CCNB1: variants seen among roughly 807,000 people sequenced by gnomAD.
CCNB1 encodes cyclin B1.
Under a neutral mutation model 44.4 loss-of-function variants are expected in CCNB1, and 26 were observed. The ratio of observed to expected loss-of-function variants is 0.59; its 90% CI spans 0.43 to 0.81. The LOEUF is 0.81. Among genes scored for constraint, CCNB1 ranks in the 40% least tolerant of loss-of-function variants. The probability of loss-of-function intolerance (pLI) is 0.00; values close to 1 mark genes in which losing one functional copy is unlikely to be tolerated. For synonymous variants in CCNB1, 195 were observed against 181.4 expected, an observed-to-expected ratio of 1.08 and a Z score of -0.60; for missense variants, 477 against 520.9, an observed-to-expected ratio of 0.92 and a Z score of 0.82.
Position 69,171,344 on chromosome 5 carries a change from C to G in CCNB1, c.438C>G (p.Phe146Leu), listed in dbSNP as rs1194104689. The G allele has an allele frequency of 6.2e-7, 1 of 1,614,084 alleles. No individual in the cohort carries two copies. The highest frequency in any genetic ancestry group is 2.2e-5 in the East Asian group (1 of 44,884). ...APAEEDLCQA[F>L]SDVILAVNDV... is the part of the protein sequence containing the mutation. Reference sequence around the variant, plus strand: ...CAGAAGAAGACCTGTGTCAGGCTTTCTCTGATGTAATTCTTGCAGTAAATG... The same window carrying G: ...CAGAAGAAGACCTGTGTCAGGCTTTGTCTGATGTAATTCTTGCAGTAAATG... Residue 146 changes from phenylalanine (F) to leucine (L), a missense_variant, in exon 4 of 9, where the codon TTC becomes TTG. Physicochemically the swap from Phe to Leu is conservative, Grantham distance 22. Coordinates refer to ENST00000256442, the MANE Select transcript of CCNB1 (RefSeq NM_031966.4).
intron 8 of CCNB1, 83 bp from the exon 9 acceptor site, chr5:69,177,441 A>G (rs1342103296): frequency 1.6e-5 from 20 of 1,239,256 alleles, no homozygotes; most frequent in Non-Finnish European, 2.2e-5. Context: ...TAATGAGTTA[A>G]TGTTTTAAAT....
chr5:69,172,963 C>T (rs552716512), intron 4 of CCNB1, among the ~76,000 whole-genome samples: 91 of 151,762 alleles, frequency 6.0e-4, no homozygotes, highest in African/African-American at 8.9e-4. Flanking sequence ...TTAGTAGAGA[C>T]GGGGTTTCAC....
At chr5:69,168,808 A>G (rs950059388) in intron 3 of CCNB1, among the ~76,000 whole-genome samples, 2 of 152,252 alleles carry the variant, frequency 1.3e-5, no homozygotes, top group African/African-American at 4.8e-5. Context: ...CTACTAAATA[A>G]TAAGCCTGTA....
intron 3 of CCNB1, 125 bp downstream of exon 3, chr5:69,168,468 C>A: frequency 9.2e-7 from 1 of 1,082,982 alleles, no homozygotes; most frequent in Non-Finnish European, 1.4e-6. Flanking sequence ...TAGCATGAGG[C>A]AAGCTCTGCC....
intron 4 of CCNB1, among the ~76,000 whole-genome samples, 195 bp downstream of exon 4, chr5:69,171,647 C>T (rs1580210548): frequency 6.6e-6 from 1 of 152,108 alleles, no homozygotes; most frequent in African/African-American, 2.4e-5. Flanking sequence ...TCACTTTGTG[C>T]AGGAAAGTTC....
intron 4 of CCNB1, among the ~76,000 whole-genome samples, chr5:69,173,292 C>T (rs1054511871): frequency 6.0e-5 from 9 of 150,408 alleles, no homozygotes; most frequent in Admixed American, 1.3e-4. Context: ...CTCGTACCCA[C>T]GGCTTGGGTA....
At chr5:69,168,709 G>A (rs1332234828) in intron 3 of CCNB1, among the ~76,000 whole-genome samples, 1 of 152,164 alleles carries the variant, frequency 6.6e-6, no homozygotes, top group Non-Finnish European at 1.5e-5. Context: ...TGAGCCAAAG[G>A]CTTTGTTATC....
intron 3 of CCNB1, among the ~76,000 whole-genome samples, chr5:69,169,699 CT>C (rs1353448935): frequency 6.6e-6 from 1 of 152,050 alleles, no homozygotes; most frequent in Non-Finnish European, 1.5e-5. Flanking sequence ...GTTGCCCAGA[CT>C]GGAGTGCAGT....
intron 3 of CCNB1, among the ~76,000 whole-genome samples, chr5:69,169,325 G>C (rs990706276): frequency 7.9e-5 from 12 of 152,280 alleles, no homozygotes; most frequent in Non-Finnish European, 1.6e-4. Context: ...CGAAAGTGCT[G>C]GGATTACAGG....
Position 69,171,408 on chromosome 5 carries a change from A to G in CCNB1, c.502A>G (p.Ser168Gly). Residue 168 changes from serine to glycine, a missense_variant, in exon 4 of 9, where the codon AGT becomes GGT. Physicochemically the swap from Ser to Gly is moderately conservative, Grantham distance 56. Transcript: ENST00000256442. ...AGATGGAGCTGATCCAAACCTTTGT[A>G]GTGAATATGTGAAAGATATTTATGC... Reference protein sequence around the residue: ...AEDGADPNLCSEYVKDIYAYL... With the variant: ...AEDGADPNLCGEYVKDIYAYL... 2 of 1,612,578 alleles carry G rather than the reference A, an allele frequency of 1.2e-6. No individual in the cohort carries two copies. Among genetic ancestry groups the G allele is most frequent in the Non-Finnish European group, 1.7e-6 (2 of 1,179,650 alleles).
intron 3 of CCNB1, among the ~76,000 whole-genome samples, chr5:69,169,149 C>T (rs1318501684): frequency 3.3e-5 from 5 of 152,134 alleles, no homozygotes; most frequent in Non-Finnish European, 7.3e-5. Flanking sequence ...TGGCTCACTG[C>T]AACCTCTGCC....
In CCNB1 at chr5:69,177,801, T is replaced by C. The variant is rs528551848; in HGVS notation, c.*170T>C. On this transcript the variant is annotated 3_prime_UTR_variant, in exon 9 of 9. Transcript: ENST00000256442. ...TTCCTACTGTAGGGTAGCGGAAAAG[T>C]TGTCTTAAAAGGTATGGTGGGGATA... 5.5e-6 allele frequency: 3 copies of C among 543,148 alleles called. No homozygotes were observed. The highest frequency in any genetic ancestry group is 3.6e-5 in the Admixed American group (1 of 27,430). The allele number at this position is 543,148 out of a possible 1,614,324, so 33.6% of individuals were successfully genotyped here.
At chr5:69,173,860 G>T (rs390169) in intron 4 of CCNB1, among the ~76,000 whole-genome samples, 66,001 of 151,544 alleles carry the variant, frequency 0.44, 14,423 homozygotes, top group South Asian at 0.55. Context: ...ACCTCCACCT[G>T]CCAGGTTCAA....
rs1747453894 is a variant in CCNB1 at position 69,171,287 on chromosome 5, A to T, written c.381A>T (p.Pro127=). 6.2e-7 allele frequency: 1 copy of T among 1,610,852 alleles called. No homozygotes were observed. The highest frequency in any genetic ancestry group is 1.3e-5 in the African/African-American group (1 of 74,752). The change falls in exon 4 of 9, where the codon CCA becomes CCT. Residue 127 remains proline (P), a synonymous_variant. Transcript: ENST00000256442. ...PEPILVDTAS[P]SPMETSGCAP... ...GTTTCAAGGTTGATACTGCCTCTCC[A>T]AGCCCAATGGAAACATCTGGATGTG...
chr5:69,173,262 A>C (rs565437042), intron 4 of CCNB1, among the ~76,000 whole-genome samples: 8 of 152,260 alleles, frequency 5.3e-5, no homozygotes, highest in African/African-American at 1.9e-4. Flanking sequence ...TGTAAGATGT[A>C]GATCTCTGCA....
chr5:69,167,156 C>G lies in CCNB1; in HGVS notation c.-107C>G, dbSNP rs1747348548. 1 of 914,852 alleles carries G rather than the reference C, an allele frequency of 1.1e-6. No individual in the cohort carries two copies. The highest frequency in any genetic ancestry group is 2.8e-5 in the East Asian group (1 of 36,102). The allele number at this position is 914,852 out of a possible 1,614,324, so 56.7% of individuals were successfully genotyped here. A position where few individuals can be genotyped will look rare whatever the true frequency, so the allele number is the denominator to read the frequency against. ...GGCTAGGCTGGCTCTTCTCGGCGTG[C>G]TGCGGCGGAACGGCTGTTGGTTTCT... On this transcript the variant is annotated 5_prime_UTR_variant, in exon 1 of 9. Transcript: ENST00000256442.
In CCNB1 at chr5:69,169,838, G is replaced by A. The variant is rs572632761; in HGVS notation, c.364-1432G>A. On this transcript the variant is annotated intron_variant, in intron 3 of 8. Coordinates refer to ENST00000256442, the MANE Select transcript of CCNB1 (RefSeq NM_031966.4). ...GGCTAATTTTTGTATTTTTAGTAGA[G>A]ACGGGGTTTCACTATGTTGGCCAGG... Among the ~76,000 whole-genome samples, 3 of 152,126 alleles carry A rather than the reference G, an allele frequency of 2.0e-5. No individual in the cohort carries two copies. In the South Asian group the frequency reaches 6.2e-4, roughly 32 times the overall value.
intron 1 of CCNB1, chr5:69,167,621 A>G: frequency 4.0e-6 from 2 of 502,290 alleles, no homozygotes; most frequent in East Asian, 7.0e-5. Flanking sequence ...CCCAGAGAGA[A>G]GGTGTCTGCA....
chr5:69,173,771 CT>C (rs1243131030), intron 4 of CCNB1, among the ~76,000 whole-genome samples: 12 of 146,816 alleles, frequency 8.2e-5, no homozygotes, highest in South Asian at 2.2e-4. Context: ...CCTTTTTTTT[CT>C]TTTTTTTTTG....
Sources: gnomAD v4.1 joint callset for allele counts (sites outside exome capture counted in the v4.1 genomes callset) on GRCh38, gnomAD v4.1.1 for gene constraint, MANE v1.5 for transcripts, NCBI Gene and HGNC (gene_info 2026-07-23, HGNC 2026-07-21) for gene names.